Variants in CA4 observed in about 807,000 individuals in gnomAD.
CA4 encodes carbonic anhydrase 4.
A neutral mutation model predicts 34.5 loss-of-function variants in CA4; 24 were observed. The ratio of observed to expected loss-of-function variants is 0.70; its 90% CI spans 0.50 to 0.98. The LOEUF (loss-of-function observed/expected upper bound fraction) is 0.98, where lower values mean the gene tolerates loss of function less well. Among genes scored for constraint, CA4 ranks in the 50% least tolerant of loss-of-function variants. The pLI, the probability that CA4 is intolerant of heterozygous loss-of-function variation, is 0.00. For missense variants in CA4, 394 were observed against 396.7 expected (o/e 0.99, Z 0.06); for synonymous variants, 178 against 170.6 (o/e 1.04, Z -0.34).
downstream of CA4, among the ~76,000 whole-genome samples, chr17:60,172,307 C>T (rs2083917764): frequency 6.6e-6 from 1 of 152,158 alleles, no homozygotes; most frequent in Non-Finnish European, 1.5e-5. Context: ...CTCTGGCATG[C>T]CTCCTCCCTG....
chr17:60,154,033 C>A (rs2083636865), intron 1 of CA4, among the ~76,000 whole-genome samples: 1 of 152,136 alleles, frequency 6.6e-6, no homozygotes, highest in South Asian at 2.1e-4. Flanking sequence ...TCTACCCTGG[C>A]TTAGACTACA....
intron 1 of CA4, among the ~76,000 whole-genome samples, chr17:60,150,794 G>C (rs1299116214): frequency 6.6e-6 from 1 of 151,816 alleles, no homozygotes; most frequent in Non-Finnish European, 1.5e-5. Context: ...AGCGCTGGGT[G>C]ACTGCCCCGC....
At chr17:60,153,754 G>A (rs913344903) in intron 1 of CA4, among the ~76,000 whole-genome samples, 4 of 152,206 alleles carry the variant, frequency 2.6e-5, no homozygotes, top group South Asian at 2.1e-4. Context: ...CTGGGGTGGC[G>A]AGTGGCCACT....
chr17:60,162,651 G>A (rs1231766061), downstream of CA4, among the ~76,000 whole-genome samples: 2 of 152,018 alleles, frequency 1.3e-5, no homozygotes, highest in East Asian at 3.9e-4. Flanking sequence ...TGATGGTTTT[G>A]CCTGCACCCT....
In CA4 at chr17:60,158,276, A is replaced by G. The variant is rs368119278; in HGVS notation, c.581-7A>G. On this transcript the variant is annotated splice_region_variant and splice_polypyrimidine_tract_variant and intron_variant, in intron 6 of 7. Coordinates refer to ENST00000300900, the MANE Select transcript of CA4 (RefSeq NM_000717.5). Reference sequence around the variant, plus strand: ...CTCACTGACAGTGTCCTCTGCCCCTATCTCAGAGATGAGCACTACGATGGC... The same window carrying G: ...CTCACTGACAGTGTCCTCTGCCCCTGTCTCAGAGATGAGCACTACGATGGC... The G allele has an allele frequency of 5.0e-5, 81 of 1,613,894 alleles. No individual in the cohort carries two copies. The highest frequency in any genetic ancestry group is 1.7e-4 in the African/African-American group (13 of 74,910).
chr17:60,172,607 G>A (rs2083920524), downstream of CA4, among the ~76,000 whole-genome samples: 1 of 152,226 alleles, frequency 6.6e-6, no homozygotes, highest in Admixed American at 6.5e-5. Flanking sequence ...ACTTTGGGAG[G>A]CTGAGGCGGG....
chr17:60,157,784 T>G lies in CA4; in HGVS notation c.509T>G (p.Val170Gly). The change falls in exon 5 of 8, where the codon GTG (valine) becomes GGG (glycine). Residue 170 changes from valine (V) to glycine (G), a missense_variant. Physicochemically the swap from Val to Gly is moderately radical, Grantham distance 109 (BLOSUM62 -3). Transcript: ENST00000300900. Reference sequence around the variant, plus strand: ...GAAATTGCGGTGCTGGCCTTTCTGGTGGAGGTGGGACTCCCATCCCCCACT... The same window carrying G: ...GAAATTGCGGTGCTGGCCTTTCTGGGGGAGGTGGGACTCCCATCCCCCACT... ...EDEIAVLAFL[V>G]EAGTQVNEGF... is the part of the protein sequence containing the mutation. 1 of 1,612,484 alleles carries G rather than the reference T, an allele frequency of 6.2e-7. No individual in the cohort carries two copies. Among genetic ancestry groups the G allele is most frequent in the Non-Finnish European group, 8.5e-7 (1 of 1,178,528 alleles).
At chr17:60,161,118 G>A (rs2083783623), downstream of CA4, among the ~76,000 whole-genome samples, 1 of 152,078 alleles carries the variant, frequency 6.6e-6, no homozygotes, top group African/African-American at 2.4e-5. Context: ...TGTGGGGCTT[G>A]GTCCCTTGGG....
Position 60,156,601 on chromosome 17 carries a change from TC to T in CA4, c.159del (p.Ile54SerfsTer37). 1.9e-6 allele frequency: 3 copies of T among 1,614,088 alleles called. No homozygotes were observed. Among genetic ancestry groups the T allele is most frequent in the Non-Finnish European group, 2.5e-6 (3 of 1,179,968 alleles). ...WGGNCQKDRQ[S>X]PINIVTTKAK... is the part of the protein sequence containing the mutation. ...TGGAAACTGCCAGAAGGACCGCCAG[TC>T]CCCCATCAACATCGTCACCACCAAG... On this transcript the variant is annotated frameshift_variant, in exon 3 of 8. Transcript: ENST00000300900. LOFTEE classifies it high-confidence loss of function.
Position 60,159,441 on chromosome 17 carries a change from G to A in CA4, c.*17G>A, listed in dbSNP as rs2229179. On this transcript the variant is annotated 3_prime_UTR_variant, in exon 8 of 8. Coordinates refer to ENST00000300900, the MANE Select transcript of CA4 (RefSeq NM_000717.5). ...CTGCGATGATGGCTCACTTCTGCAC[G>A]CAGCCTCTCTGTTGCCTCAGCTCTC... The A allele has an allele frequency of 1.5e-3, 2,425 of 1,608,506 alleles. 48 individuals are homozygous for A. In the African/African-American group the frequency reaches 0.03, roughly 20 times the overall value.
At chr17:60,168,663 T>A (rs1474683770) in intron 5 of CA4, among the ~76,000 whole-genome samples, 1 of 152,034 alleles carries the variant, frequency 6.6e-6, no homozygotes, top group Non-Finnish European at 1.5e-5. Flanking sequence ...AGTGAGCAAC[T>A]CTGGCCCCTG....
At position 60,157,712 on chromosome 17, in the gene CA4, A is replaced by T. The variant is rs1197876171; in HGVS notation, c.437A>T (p.Glu146Val). ...AMEMHIVHEK[E>V]KGTSRNVKEA... Reference sequence around the variant, plus strand: ...CAGATGCACATAGTACATGAGAAAGAGAAGGGGACATCGAGGAATGTGAAA... The same window carrying T: ...CAGATGCACATAGTACATGAGAAAGTGAAGGGGACATCGAGGAATGTGAAA... The change falls in exon 5 of 8, where the codon GAG (glutamate) becomes GTG (valine). Residue 146 changes from glutamate (E) to valine (V), a missense_variant. Transcript: ENST00000300900. 3.1e-6 allele frequency: 5 copies of T among 1,613,960 alleles called. No individual in the cohort carries two copies. The highest frequency in any genetic ancestry group is 4.2e-6 in the Non-Finnish European group (5 of 1,179,918).
downstream of CA4, among the ~76,000 whole-genome samples, chr17:60,162,121 C>T (rs984318992): frequency 1.3e-5 from 2 of 152,132 alleles, no homozygotes; most frequent in Admixed American, 1.3e-4. Context: ...GGGGCTCTGG[C>T]CACCTCCCAT....
At chr17:60,171,941 C>G (rs995055750), downstream of CA4, among the ~76,000 whole-genome samples, 1 of 152,224 alleles carries the variant, frequency 6.6e-6, no homozygotes, top group Non-Finnish European at 1.5e-5. Context: ...ACACTGCGGA[C>G]TGGACTTCTG....
downstream of CA4, among the ~76,000 whole-genome samples, chr17:60,163,978 A>C (rs1384893556): frequency 1.3e-5 from 2 of 151,844 alleles, no homozygotes; most frequent in Non-Finnish European, 2.9e-5. Context: ...GAGGGGGAAA[A>C]AAAGAAGCCA....
At chr17:60,166,723 AGGG>A (rs55784388) in intron 5 of CA4, among the ~76,000 whole-genome samples, 1 of 152,088 alleles carries the variant, frequency 6.6e-6, no homozygotes, top group Admixed American at 6.5e-5. Flanking sequence ...TGGGAGGCCA[AGGG>A]GGGGGCGGAT....
downstream of CA4, among the ~76,000 whole-genome samples, chr17:60,161,799 CG>C (rs758228804): frequency 6.6e-6 from 1 of 152,114 alleles, no homozygotes; most frequent in Admixed American, 6.5e-5. Flanking sequence ...CGCCTGTCAG[CG>C]GGGGGTGTGT....
chr17:60,164,570 TAGTAGAGA>T (rs2083836034), intron 5 of CA4, among the ~76,000 whole-genome samples: 1 of 152,020 alleles, frequency 6.6e-6, no homozygotes, highest in African/African-American at 2.4e-5. Context: ...TTCATATTTT[TAGTAGAGA>T]TGGGGTTTTG....
Position 60,158,131 on chromosome 17 carries a change from A to C in CA4, c.580+4A>C. The C allele has an allele frequency of 6.2e-7, 1 of 1,609,960 alleles. No homozygotes were observed. The highest frequency in any genetic ancestry group is 8.5e-7 in the Non-Finnish European group (1 of 1,177,876). ...CTGTCTAATATCCCCAAACCTGGTG[A>C]GTCAGGATGGGGGAGAAGGGCTTGG... On this transcript the variant is annotated splice_donor_region_variant and intron_variant, in intron 6 of 7. Coordinates refer to ENST00000300900, the MANE Select transcript of CA4 (RefSeq NM_000717.5).
Sources: allele counts gnomAD v4.1 joint callset (sites outside exome capture counted in the v4.1 genomes callset), GRCh38; gene constraint gnomAD v4.1.1; transcripts MANE v1.5; gene names NCBI Gene and HGNC (gene_info 2026-07-23, HGNC 2026-07-21).